SMYD3: variants seen among roughly 807,000 people sequenced by gnomAD.
The protein encoded by SMYD3 is SET and MYND domain containing 3, also known as histone-lysine N-methyltransferase SMYD3.
In SMYD3, 36 loss-of-function variants were observed where a neutral mutation model predicts 57.7. That is an observed-to-expected ratio of 0.62 (90% confidence interval 0.48 to 0.82). The LOEUF (loss-of-function observed/expected upper bound fraction) is 0.82. Ranked by LOEUF, SMYD3 falls within the 40% of genes least tolerant of loss-of-function variation. The pLI, the probability that SMYD3 is intolerant of heterozygous loss-of-function variation, is 0.00. For missense variants in SMYD3, 515 were observed against 538.8 expected (o/e 0.96, Z 0.44); for synonymous variants, 211 against 195.0 (o/e 1.08, Z -0.68).
chr1:246,193,297 A>G (rs894792275), intron 5 of SMYD3, among the ~76,000 whole-genome samples: 1 of 151,916 alleles, frequency 6.6e-6, no homozygotes, highest in Non-Finnish European at 1.5e-5. Flanking sequence ...ATAAATTAAC[A>G]TTTAAAATAC....
intron 5 of SMYD3, among the ~76,000 whole-genome samples, chr1:246,032,801 C>CTT (rs1231168996): frequency 6.6e-6 from 1 of 152,160 alleles, no homozygotes; most frequent in Non-Finnish European, 1.5e-5. Context: ...AGGTTATATA[C>CTT]TTTAGCAGAG....
chr1:245,765,495 G>A (rs1298266519), intron 10 of SMYD3, among the ~76,000 whole-genome samples: 2 of 152,122 alleles, frequency 1.3e-5, no homozygotes, highest in African/African-American at 2.4e-5. Context: ...ATGATTTAGC[G>A]CCCAAATAAG....
chr1:246,332,957 C>T (rs1287349153), intron 3 of SMYD3, among the ~76,000 whole-genome samples: 1 of 152,194 alleles, frequency 6.6e-6, no homozygotes, highest in Admixed American at 6.5e-5. Flanking sequence ...GATGAAACAG[C>T]CTTATATTGG....
chr1:246,242,148 G>A (rs1487971412), intron 5 of SMYD3, among the ~76,000 whole-genome samples: 1 of 151,872 alleles, frequency 6.6e-6, no homozygotes, highest in Non-Finnish European at 1.5e-5. Flanking sequence ...GAATGTGTTT[G>A]CTCTTGCTTC....
chr1:246,505,817 T>C (rs918032502), intron 1 of SMYD3, among the ~76,000 whole-genome samples: 19 of 152,230 alleles, frequency 1.2e-4, no homozygotes, highest in African/African-American at 3.4e-4. Flanking sequence ...AATGATTCAA[T>C]TGCCAATTTG....
intron 5 of SMYD3, among the ~76,000 whole-genome samples, chr1:246,082,958 A>T (rs2060661361): frequency 6.8e-6 from 1 of 146,518 alleles, no homozygotes; most frequent in Non-Finnish European, 1.5e-5. Flanking sequence ...AATCTCAAGT[A>T]CCCAGGGGCA....
chr1:246,257,842 C>T (rs1396388360), intron 5 of SMYD3, among the ~76,000 whole-genome samples: 1 of 152,068 alleles, frequency 6.6e-6, no homozygotes, highest in African/African-American at 2.4e-5. Context: ...GGAAGTGGGA[C>T]TGGGTGGGAG....
intron 1 of SMYD3, among the ~76,000 whole-genome samples, chr1:246,409,089 T>G (rs2066917524): frequency 6.6e-6 from 1 of 152,162 alleles, no homozygotes; most frequent in African/African-American, 2.4e-5. Flanking sequence ...CTTTGTCAGA[T>G]GAGTAGGTTG....
At chr1:246,330,591 A>G in intron 3 of SMYD3, 54 bp from the exon 4 acceptor site, 1 of 1,491,702 alleles carries the variant, frequency 6.7e-7, no homozygotes. Flanking sequence ...TCCAATATAT[A>G]AACAAATAAG....
At chr1:246,082,878 G>A (rs968194314) in intron 5 of SMYD3, among the ~76,000 whole-genome samples, 56 of 151,702 alleles carry the variant, frequency 3.7e-4, no homozygotes, top group Non-Finnish European at 6.0e-4. Context: ...GATTAAGGGC[G>A]GTGCAAGATG....
At chr1:246,500,345 A>C (rs530388376) in intron 1 of SMYD3, among the ~76,000 whole-genome samples, 1 of 152,326 alleles carries the variant, frequency 6.6e-6, no homozygotes, top group Non-Finnish European at 1.5e-5. Flanking sequence ...CAAAACCACA[A>C]GCATTAGCCC....
At chr1:245,890,421 A>G (rs992650967) in intron 8 of SMYD3, among the ~76,000 whole-genome samples, 4 of 152,212 alleles carry the variant, frequency 2.6e-5, no homozygotes, top group Admixed American at 2.0e-4. Context: ...TCTGGGCAAA[A>G]GATCTAAATA....
chr1:246,090,548 A>G (rs982200483), intron 5 of SMYD3, among the ~76,000 whole-genome samples: 12 of 136,788 alleles, frequency 8.8e-5, no homozygotes, highest in Non-Finnish European at 9.2e-5. Context: ...GATGGAGTCT[A>G]GCTCTATCAC....
intron 5 of SMYD3, among the ~76,000 whole-genome samples, chr1:246,096,640 A>C (rs2060920298): frequency 6.6e-6 from 1 of 152,244 alleles, no homozygotes; most frequent in Non-Finnish European, 1.5e-5. Context: ...CTAAACACAA[A>C]GACCTAACTA....
intron 9 of SMYD3, among the ~76,000 whole-genome samples, chr1:245,860,658 A>G (rs540605450): frequency 6.6e-6 from 1 of 152,336 alleles, no homozygotes; most frequent in South Asian, 2.1e-4. Flanking sequence ...CCTGAAGAAA[A>G]GCGAGTGCAT....
chr1:246,379,122 C>T (rs761726649), intron 1 of SMYD3, among the ~76,000 whole-genome samples: 68 of 119,840 alleles, frequency 5.7e-4, no homozygotes, highest in Non-Finnish European at 1.0e-3. Context: ...ACATATATTC[C>T]ATTACTTCTG....
intron 5 of SMYD3, among the ~76,000 whole-genome samples, chr1:246,061,788 T>A (rs922897553): frequency 6.6e-6 from 1 of 152,158 alleles, no homozygotes; most frequent in South Asian, 2.1e-4. Context: ...GAAACAGTGA[T>A]GTGAAAGAAG....
At chr1:245,800,378 C>G (rs2047798319) in intron 10 of SMYD3, among the ~76,000 whole-genome samples, 1 of 152,030 alleles carries the variant, frequency 6.6e-6, no homozygotes, top group Admixed American at 6.6e-5. Flanking sequence ...ATGTCATTGT[C>G]TCTCATGCTA....
chr1:245,853,989 C>A (rs1278098130), intron 10 of SMYD3, among the ~76,000 whole-genome samples: 1 of 152,230 alleles, frequency 6.6e-6, no homozygotes, highest in Admixed American at 6.5e-5. Flanking sequence ...TCTCTGATCA[C>A]AACTTAAGTC....
Sources: gnomAD v4.1 joint callset for allele counts (sites outside exome capture counted in the v4.1 genomes callset) on GRCh38, gnomAD v4.1.1 for gene constraint, MANE v1.5 for transcripts, NCBI Gene and HGNC (gene_info 2026-07-23, HGNC 2026-07-21) for gene names.